The following CGNL1 variants were observed in gnomAD, a reference collection of about 807,000 sequenced individuals.
The protein encoded by CGNL1 is cingulin-like protein 1.
Under a neutral mutation model 141.2 loss-of-function variants are expected in CGNL1, and 132 were observed. That is an observed-to-expected ratio of 0.93 (90% CI 0.81 to 1.08). The LOEUF is 1.08. Ranked by LOEUF, CGNL1 falls within the 50% of genes least tolerant of loss-of-function variation. The pLI is 0.00. For synonymous variants in CGNL1, 690 were observed against 622.1 expected, an observed-to-expected ratio of 1.11 and a Z score of -1.63; for missense variants, 1,870 against 1,588.6, an observed-to-expected ratio of 1.18 and a Z score of -3.01.
chr15:57,483,387 T>A (rs1360853489), intron 8 of CGNL1, among the ~76,000 whole-genome samples: 2 of 152,168 alleles, frequency 1.3e-5, no homozygotes, highest in Non-Finnish European at 2.9e-5. Context: ...GAAATGCAGT[T>A]GTATGTTTTT....
At chr15:57,445,039 G>A (rs1282857313) in intron 4 of CGNL1, among the ~76,000 whole-genome samples, 1 of 152,062 alleles carries the variant, frequency 6.6e-6, no homozygotes, top group Non-Finnish European at 1.5e-5. Flanking sequence ...TGGAGGGAGG[G>A]TTTCTTGAGG....
intron 1 of CGNL1, among the ~76,000 whole-genome samples, chr15:57,378,531 G>T (rs772372576): frequency 1.3e-5 from 2 of 151,702 alleles, no homozygotes; most frequent in Non-Finnish European, 2.9e-5. Flanking sequence ...ACAGGCACCC[G>T]CTACCATGCT....
intron 7 of CGNL1, among the ~76,000 whole-genome samples, chr15:57,459,917 C>G (rs1303615348): frequency 6.6e-6 from 1 of 152,104 alleles, no homozygotes; most frequent in African/African-American, 2.4e-5. Context: ...GTTCATCTAG[C>G]AGGTCTTTGA....
chr15:57,481,518 G>T (rs567786743), intron 8 of CGNL1, among the ~76,000 whole-genome samples: 38 of 152,234 alleles, frequency 2.5e-4, no homozygotes, highest in African/African-American at 6.7e-4. Flanking sequence ...GTATCAACAG[G>T]TTCTTTCCTT....
rs540499763 is a variant in CGNL1, at chr15:57,437,619, C to CAAAAAAAAAAAAAAAAAAAAAAA, written c.-15-358_-15-336dup. On this transcript the variant is annotated intron_variant, in intron 1 of 18. Transcript: ENST00000281282. ...AAGTTTCAGGAAACCAACTAAACAG[C>CAAAAAAAAAAAAAAAAAAAAAAA]AAAAAAAAAAAAAAAAAAAAAAAAA... 1.7e-4 allele frequency among the ~76,000 whole-genome samples: 6 copies of CAAAAAAAAAAAAAAAAAAAAAAA among 36,084 alleles called. 1 individual carries two copies. The highest frequency in any genetic ancestry group is 1.3e-3 in the South Asian group (1 of 744). The allele number at this position is 36,084 out of a possible 152,430, so 23.7% of individuals were successfully genotyped here. A position where few individuals can be genotyped will look rare whatever the true frequency, so the allele number is the denominator to read the frequency against.
chr15:57,546,746 C>CTCTA (rs1350267027), intron 18 of CGNL1, among the ~76,000 whole-genome samples: 3 of 152,152 alleles, frequency 2.0e-5, no homozygotes, highest in Admixed American at 2.0e-4. Context: ...GCTTTTTCTG[C>CTCTA]TCTAGGGTCT....
At chr15:57,387,117 C>T (rs907474) in intron 1 of CGNL1, among the ~76,000 whole-genome samples, 4 of 152,138 alleles carry the variant, frequency 2.6e-5, no homozygotes, top group African/African-American at 9.7e-5. Flanking sequence ...TCCCTCCCTG[C>T]GAGCCCGCTC....
At chr15:57,474,911 A>G (rs2063632138) in intron 8 of CGNL1, among the ~76,000 whole-genome samples, 1 of 152,224 alleles carries the variant, frequency 6.6e-6, no homozygotes, top group African/African-American at 2.4e-5. Context: ...CTCCTAAGGC[A>G]GGTCAAGAAG....
intron 1 of CGNL1, among the ~76,000 whole-genome samples, chr15:57,424,425 G>C (rs12914093): frequency 1.3e-5 from 2 of 151,972 alleles, no homozygotes; most frequent in African/African-American, 4.8e-5. Context: ...CCCTACCAGA[G>C]TGTGGGTTCT....
intron 1 of CGNL1, among the ~76,000 whole-genome samples, chr15:57,393,121 C>T (rs2062561236): frequency 6.6e-6 from 1 of 152,146 alleles, no homozygotes; most frequent in Non-Finnish European, 1.5e-5. Flanking sequence ...TACATTGTGC[C>T]ATAGTCTTAA....
intron 8 of CGNL1, among the ~76,000 whole-genome samples, chr15:57,515,458 C>T (rs1276035359): frequency 1.3e-5 from 2 of 152,200 alleles, no homozygotes; most frequent in African/African-American, 2.4e-5. Flanking sequence ...CCCACATGGT[C>T]GGTGATACAG....
intron 4 of CGNL1, among the ~76,000 whole-genome samples, chr15:57,443,851 C>T (rs1309327828): frequency 1.3e-5 from 2 of 152,146 alleles, no homozygotes; most frequent in Admixed American, 1.3e-4. Flanking sequence ...GGAATCTCAC[C>T]GGCTGTTACA....
chr15:57,461,657 C>G (rs1486875070), intron 7 of CGNL1, 23 bp from the exon 8 acceptor site: 2 of 1,601,204 alleles, frequency 1.2e-6, no homozygotes, highest in South Asian at 1.1e-5. Context: ...GTCACCTTCT[C>G]CCTTCGTGTT....
intron 1 of CGNL1, among the ~76,000 whole-genome samples, chr15:57,407,886 T>C (rs1291821934): frequency 6.6e-6 from 1 of 151,628 alleles, no homozygotes; most frequent in Non-Finnish European, 1.5e-5. Context: ...GTAGCTGGGA[T>C]TACAGATGCC....
intron 1 of CGNL1, among the ~76,000 whole-genome samples, chr15:57,400,966 G>T (rs2062654533): frequency 6.7e-6 from 1 of 149,494 alleles, no homozygotes; most frequent in Admixed American, 6.7e-5. Context: ...TTAAATGAAA[G>T]GTACCCTGTT....
intron 14 of CGNL1, among the ~76,000 whole-genome samples, chr15:57,540,377 A>G (rs12902576): frequency 0.11 from 16,642 of 152,160 alleles, 1,126 homozygotes; most frequent in South Asian, 0.18. Flanking sequence ...GGCAAAAGAG[A>G]CCATGTGCAG....
chr15:57,443,422 C>G (rs775767120), intron 4 of CGNL1, among the ~76,000 whole-genome samples: 6 of 152,224 alleles, frequency 3.9e-5, no homozygotes, highest in Non-Finnish European at 5.9e-5. Context: ...TTCCTTTCCC[C>G]TCCCAGGGGA....
chr15:57,506,898 C>T (rs1177109748), intron 8 of CGNL1, among the ~76,000 whole-genome samples: 1 of 152,182 alleles, frequency 6.6e-6, no homozygotes, highest in Non-Finnish European at 1.5e-5. Flanking sequence ...CCAAGGCCTG[C>T]ACTCTTTTTG....
chr15:57,402,507 G>A (rs1245140447), intron 1 of CGNL1, among the ~76,000 whole-genome samples: 2 of 152,210 alleles, frequency 1.3e-5, no homozygotes, highest in African/African-American at 4.8e-5. Context: ...AAAGGAGCCT[G>A]GATCCCTAAT....
Sources: allele counts gnomAD v4.1 joint callset (sites outside exome capture counted in the v4.1 genomes callset), GRCh38; gene constraint gnomAD v4.1.1; transcripts MANE v1.5; gene names NCBI Gene and HGNC (gene_info 2026-07-23, HGNC 2026-07-21).